Variants in FAM3B observed in about 807,000 individuals in gnomAD.
FAM3B encodes FAM3 metabolism regulating signaling molecule B.
Under a neutral mutation model 28.4 loss-of-function variants are expected in FAM3B, and 29 were observed. The observed-to-expected ratio is 1.02, with a 90% CI of 0.76 to 1.39. FAM3B has a LOEUF of 1.39. FAM3B is among the 40% of genes most tolerant of loss of function. The probability of loss-of-function intolerance (pLI) is 0.00; values close to 1 mark genes in which losing one functional copy is unlikely to be tolerated. For missense variants in FAM3B, 266 were observed against 293.9 expected (o/e 0.91, Z 0.69); for synonymous variants, 91 against 103.0 (o/e 0.88, Z 0.71).
Position 41,326,693 on chromosome 21 carries a change from G to T in FAM3B, c.163+3627G>T, listed in dbSNP as rs953713447. Among the ~76,000 whole-genome samples the T allele has an allele frequency of 2.6e-5, 4 of 152,234 alleles. No homozygotes were observed. The highest frequency in any genetic ancestry group is 5.9e-5 in the Non-Finnish European group (4 of 68,032). Reference sequence around the variant, plus strand: ...AGCATCCCTATGGGACCCCCACAATGGCCCCGCTGGAGACGCCAGCACCAG... The same window carrying T: ...AGCATCCCTATGGGACCCCCACAATTGCCCCGCTGGAGACGCCAGCACCAG... On this transcript the variant is annotated intron_variant, in intron 2 of 7. Transcript: ENST00000357985. This position sits in a 1 kb window ranked among gnomAD's most constrained non-coding sequence, Gnocchi z 4.0.
intron 7 of FAM3B, among the ~76,000 whole-genome samples, chr21:41,350,358 G>C (rs940638820): frequency 1.5e-4 from 23 of 152,324 alleles, no homozygotes; most frequent in Non-Finnish European, 2.9e-5. Context: ...CCAGCTGGCT[G>C]TGTGGTCTTG....
intron 4 of FAM3B, among the ~76,000 whole-genome samples, 170 bp downstream of exon 4, chr21:41,344,704 T>C (rs1237987518): frequency 6.6e-6 from 1 of 152,234 alleles, no homozygotes; most frequent in Non-Finnish European, 1.5e-5. Context: ...TCACAGATTA[T>C]TTGTGGTTCT....
intron 1 of FAM3B, among the ~76,000 whole-genome samples, chr21:41,311,249 AAAATATATATATAT>A (rs1451656751): frequency 5.0e-3 from 285 of 56,504 alleles, no homozygotes; most frequent in African/African-American, 0.019. Flanking sequence ...AAAAAAAAAA[AAAATATATATATAT>A]ATATATATAT....
intron 3 of FAM3B, among the ~76,000 whole-genome samples, chr21:41,340,761 T>A (rs1363390627): frequency 1.3e-5 from 2 of 152,206 alleles, no homozygotes; most frequent in Non-Finnish European, 2.9e-5. Context: ...CAACATTATG[T>A]TTGAATATTA....
At chr21:41,318,859 T>C (rs2088775008) in intron 1 of FAM3B, among the ~76,000 whole-genome samples, 1 of 152,184 alleles carries the variant, frequency 6.6e-6, no homozygotes, top group South Asian at 2.1e-4. Context: ...GTCATATCCA[T>C]TTGGTTTCAG....
chr21:41,338,607 C>A, intron 3 of FAM3B, 106 bp downstream of exon 3: 1 of 1,465,370 alleles, frequency 6.8e-7, no homozygotes, highest in Non-Finnish European at 9.2e-7. Context: ...AACCATATGT[C>A]GTTGGTCTCA....
upstream of FAM3B, chr21:41,316,774 C>G (rs1404733959): frequency 8.4e-7 from 1 of 1,196,232 alleles, no homozygotes; most frequent in Non-Finnish European, 1.1e-6. Flanking sequence ...CCGCCCCTGC[C>G]CGACACGACC....
At chr21:41,321,459 C>T (rs2088805162) in intron 1 of FAM3B, among the ~76,000 whole-genome samples, 1 of 152,218 alleles carries the variant, frequency 6.6e-6, no homozygotes, top group African/African-American at 2.4e-5. Context: ...CTGCACCTGT[C>T]TCATTTTGTT....
At chr21:41,305,265 G>A (rs949815742) in intron 1 of FAM3B, among the ~76,000 whole-genome samples, 5 of 152,264 alleles carry the variant, frequency 3.3e-5, no homozygotes, top group Admixed American at 3.3e-4. Flanking sequence ...CAGAGGTATA[G>A]GCGATATGCC....
intron 1 of FAM3B, among the ~76,000 whole-genome samples, chr21:41,319,048 A>G (rs771325938): frequency 2.0e-4 from 31 of 152,246 alleles, no homozygotes; most frequent in Non-Finnish European, 3.2e-4. Flanking sequence ...ACATGCCACC[A>G]TGCCCAGCTA....
At chr21:41,307,415 C>A (rs2088688163) in intron 1 of FAM3B, among the ~76,000 whole-genome samples, 1 of 152,200 alleles carries the variant, frequency 6.6e-6, no homozygotes, top group African/African-American at 2.4e-5. Flanking sequence ...ATTTCACTTT[C>A]TTATCATTTC....
intron 2 of FAM3B, among the ~76,000 whole-genome samples, chr21:41,337,359 G>A (rs2088964603): frequency 6.6e-6 from 1 of 152,212 alleles, no homozygotes; most frequent in African/African-American, 2.4e-5. Context: ...CAGTAGTGAT[G>A]CAGTGAAAGA....
intron 2 of FAM3B, 129 bp downstream of exon 2, chr21:41,323,195 G>C: frequency 3.7e-4 from 447 of 1,219,688 alleles, no homozygotes; most frequent in Non-Finnish European, 4.6e-4. Flanking sequence ...GAGGAGAGAA[G>C]CATTTTGCAG....
intron 6 of FAM3B, among the ~76,000 whole-genome samples, chr21:41,347,627 C>G (rs1209137120): frequency 6.6e-6 from 1 of 151,950 alleles, no homozygotes; most frequent in Admixed American, 6.6e-5. Context: ...GTGGCATGCA[C>G]CTGTAGTCCC....
intron 2 of FAM3B, among the ~76,000 whole-genome samples, chr21:41,331,386 T>C (rs964494590): frequency 6.6e-6 from 1 of 152,230 alleles, no homozygotes; most frequent in Non-Finnish European, 1.5e-5. Flanking sequence ...ATTTTGTAGG[T>C]TGTCTCTTCA....
chr21:41,344,418 C>T lies in FAM3B; in HGVS notation c.288-58C>T, dbSNP rs2089037639. ...GACATTTGGTCAGGCGAAGACTTCG[C>T]GGAGCGGGGAGAGTCGCACGCCTCT... is the stretch of plus-strand genomic sequence containing the variant. On this transcript the variant is annotated intron_variant, in intron 3 of 7. Coordinates refer to ENST00000357985, the MANE Select transcript of FAM3B (RefSeq NM_058186.4). 1.1e-5 allele frequency: 16 copies of T among 1,520,850 alleles called. No individual in the cohort carries two copies. In the East Asian group the frequency reaches 1.4e-4, roughly 13 times the overall value. 94.2% of individuals were successfully genotyped at this position (1,520,850 alleles called of 1,614,324 possible). A position where few individuals can be genotyped will look rare whatever the true frequency, so the allele number is the denominator to read the frequency against.
At chr21:41,320,435 C>G (rs921216823) in intron 1 of FAM3B, 1 of 152,224 alleles carries the variant, frequency 6.6e-6, no homozygotes, top group Non-Finnish European at 1.5e-5. Context: ...TTGAAGCCAC[C>G]CAGTTGGTGT....
chr21:41,318,498 C>T (rs2088770821), intron 1 of FAM3B, among the ~76,000 whole-genome samples: 1 of 152,146 alleles, frequency 6.6e-6, no homozygotes, highest in Admixed American at 6.6e-5. Context: ...TCAGAGTGGC[C>T]CTTCCTAGCC....
intron 2 of FAM3B, among the ~76,000 whole-genome samples, chr21:41,327,994 T>C (rs1260085465): frequency 6.6e-6 from 1 of 152,234 alleles, no homozygotes; most frequent in Non-Finnish European, 1.5e-5. Context: ...GTATCTAGTT[T>C]ACTCCGTGCA....
Sources: allele counts gnomAD v4.1 joint callset (sites outside exome capture counted in the v4.1 genomes callset), GRCh38; gene constraint gnomAD v4.1.1; non-coding constraint Gnocchi (gnomAD v3.1); transcripts MANE v1.5; gene names NCBI Gene and HGNC (gene_info 2026-07-23, HGNC 2026-07-21).